The following ECE1 variants were observed in gnomAD, a reference collection of about 807,000 sequenced individuals.
The protein encoded by ECE1 is endothelin converting enzyme 1, also known as endothelin-converting enzyme 1.
Under a neutral mutation model 98.6 loss-of-function variants are expected in ECE1, and 35 were observed. The observed-to-expected ratio is 0.35, with a 90% CI of 0.27 to 0.47. The LOEUF (loss-of-function observed/expected upper bound fraction) is 0.47. Among genes scored for constraint, ECE1 ranks in the 20% least tolerant of loss-of-function variants. ECE1 has a pLI of 1.00. For missense variants in ECE1, 814 were observed against 1,025.3 expected, an observed-to-expected ratio of 0.79 and a Z score of 2.81; for synonymous variants, 394 against 407.1, an observed-to-expected ratio of 0.97 and a Z score of 0.39.
intron 8 of ECE1, among the ~76,000 whole-genome samples, chr1:21,249,418 A>G (rs1379867460): frequency 6.6e-6 from 1 of 152,026 alleles, no homozygotes; most frequent in Non-Finnish European, 1.5e-5. Context: ...GTTCAAGGAC[A>G]GGAGCAGTGA....
At chr1:21,229,813 G>A (rs193280615) in intron 14 of ECE1, among the ~76,000 whole-genome samples, 6 of 152,184 alleles carry the variant, frequency 3.9e-5, no homozygotes, top group South Asian at 2.1e-4. Flanking sequence ...ACAAAATCAC[G>A]CCTGGGTAAA....
At chr1:21,261,446 A>T (rs2098226688) in intron 4 of ECE1, among the ~76,000 whole-genome samples, 1 of 152,074 alleles carries the variant, frequency 6.6e-6, no homozygotes, top group Non-Finnish European at 1.5e-5. Flanking sequence ...AAGAGAAAAC[A>T]TCCCTGTCCC....
intron 1 of ECE1, among the ~76,000 whole-genome samples, chr1:21,296,398 C>T (rs1638355146): frequency 6.6e-6 from 1 of 151,900 alleles, no homozygotes; most frequent in African/African-American, 2.4e-5. Context: ...CCTGTGGCCC[C>T]ACTACTTAGG....
Position 21,333,274 on chromosome 1 carries a change from G to A in ECE1, c.3+12102C>T, listed in dbSNP as rs200938363. On this transcript the variant is annotated intron_variant, in intron 1 of 18. Transcript: ENST00000415912. ...CCCGGGACCTGCACTTAGTGCCTCCGCCTCCCCCACCCCTATTTGGGCTGA... is the reference window on the plus strand; with the variant it reads ...CCCGGGACCTGCACTTAGTGCCTCCACCTCCCCCACCCCTATTTGGGCTGA... Among the ~76,000 whole-genome samples the A allele has an allele frequency of 1.5e-4, 21 of 138,048 alleles. No individual in the cohort carries two copies. In the East Asian group the frequency reaches 2.2e-3, roughly 15 times the overall value. The allele number at this position is 138,048 out of a possible 152,430, so 90.6% of individuals were successfully genotyped here.
chr1:21,267,370 C>G (rs574945241), intron 4 of ECE1: 1 of 152,358 alleles, frequency 6.6e-6, no homozygotes, highest in African/African-American at 2.4e-5. Flanking sequence ...GCCTCACCAT[C>G]GTGGTGGAAG....
intron 1 of ECE1, among the ~76,000 whole-genome samples, chr1:21,342,191 G>A (rs1186061624): frequency 1.3e-5 from 2 of 152,170 alleles, no homozygotes; most frequent in Non-Finnish European, 2.9e-5. Flanking sequence ...CTCAGCCCCA[G>A]CTTGGAAAGT....
intron 4 of ECE1, among the ~76,000 whole-genome samples, chr1:21,267,921 T>C (rs373522285): frequency 1.4e-4 from 22 of 152,210 alleles, no homozygotes; most frequent in East Asian, 1.2e-3. Context: ...TTTAACGCTA[T>C]TGGAATATTG....
At chr1:21,344,698 G>C (rs983132373) in intron 1 of ECE1, among the ~76,000 whole-genome samples, 1 of 152,070 alleles carries the variant, frequency 6.6e-6, no homozygotes. Flanking sequence ...GTCAGCACTC[G>C]GCCTCAGCAA....
intron 7 of ECE1, among the ~76,000 whole-genome samples, chr1:21,256,363 C>A (rs537860517): frequency 6.6e-6 from 1 of 152,292 alleles, no homozygotes; most frequent in Non-Finnish European, 1.5e-5. Context: ...TGAGACCAAC[C>A]TGGCCAACAT....
intron 8 of ECE1, among the ~76,000 whole-genome samples, chr1:21,250,409 A>ATGTCG (rs1283990046): frequency 1.3e-5 from 2 of 152,220 alleles, no homozygotes; most frequent in Non-Finnish European, 2.9e-5. Context: ...ATGCCTGTAC[A>ATGTCG]TGTCGATCAC....
chr1:21,313,249 G>A (rs757137754), intron 1 of ECE1, among the ~76,000 whole-genome samples: 15 of 152,292 alleles, frequency 9.8e-5, no homozygotes, highest in South Asian at 2.1e-4. Context: ...CTGAGCTGGC[G>A]TTGCCTCGGT....
At chr1:21,337,212 T>C (rs1639319939) in intron 1 of ECE1, among the ~76,000 whole-genome samples, 1 of 152,170 alleles carries the variant, frequency 6.6e-6, no homozygotes, top group Non-Finnish European at 1.5e-5. Context: ...CACGGACATT[T>C]ACACGTACAT....
chr1:21,269,417 A>T (rs2098237717), intron 4 of ECE1, among the ~76,000 whole-genome samples: 1 of 152,184 alleles, frequency 6.6e-6, no homozygotes. Context: ...TTCTCTAATA[A>T]ATAAGAAATA....
intron 1 of ECE1, among the ~76,000 whole-genome samples, chr1:21,331,010 T>C (rs1228977226): frequency 6.6e-6 from 1 of 152,106 alleles, no homozygotes; most frequent in Non-Finnish European, 1.5e-5. Flanking sequence ...GGGGTGGTGG[T>C]TCACGCCTGT....
rs28368017 is a variant in ECE1 at position 21,235,986 on chromosome 1, C to T, written c.1489-59G>A. The stretch of plus-strand genomic sequence containing the variant: ...GCAACATCGACCAGGCCAGCCTGAG[C>T]AACTTGGGTGCTGGGCTCATAGTCT... On this transcript the variant is annotated intron_variant, in intron 12 of 18. Transcript: ENST00000374893. The surrounding 1 kb of genome is among the most constrained non-coding windows in gnomAD (Gnocchi z 4.2). 637 of 1,523,550 alleles carry T rather than the reference C, an allele frequency of 4.2e-4. 1 individual carries two copies. The highest frequency in any genetic ancestry group is 3.2e-3 in the Middle Eastern group (19 of 5,892). The allele number at this position is 1,523,550 out of a possible 1,614,324, so 94.4% of individuals were successfully genotyped here.
At chr1:21,275,831 C>G (rs1017755668) in intron 3 of ECE1, among the ~76,000 whole-genome samples, 1 of 152,066 alleles carries the variant, frequency 6.6e-6, no homozygotes, top group Non-Finnish European at 1.5e-5. Context: ...CTACGGAAAC[C>G]TTCATCGACC....
At chr1:21,285,291 A>G (rs917375549) in intron 2 of ECE1, among the ~76,000 whole-genome samples, 2 of 152,208 alleles carry the variant, frequency 1.3e-5, no homozygotes, top group Non-Finnish European at 2.9e-5. Flanking sequence ...AGCTCCCCAC[A>G]GCATGGGAGA....
Position 21,219,996 on chromosome 1 carries a change from C to A in ECE1, c.2272G>T (p.Gly758Cys). 2 of 1,614,200 alleles carry A rather than the reference C, an allele frequency of 1.2e-6. No homozygotes were observed. Among genetic ancestry groups the A allele is most frequent in the Non-Finnish European group, 1.7e-6 (2 of 1,180,038 alleles). ...EFSEHFRCPP[G>C]SPMNPPHKCE... ...TTGTGAGGCGGGTTCATGGGTGAGC[C>A]AGGTGGGCAGCGGAAGTGTTCTGAG... The change falls in exon 19 of 19, where the codon GGC (glycine) becomes TGC (cysteine). Residue 758 changes from glycine to cysteine, a missense_variant. By Grantham distance (159) the Gly-to-Cys change is radical (BLOSUM62 -3). This residue lies in a region of ECE1 where 452 missense variants were observed against 567.3 expected (regional missense o/e 0.80). Transcript: ENST00000374893. This position sits in a 1 kb window ranked among gnomAD's most constrained non-coding sequence, Gnocchi z 4.5.
intron 16 of ECE1, among the ~76,000 whole-genome samples, chr1:21,226,944 G>A (rs1171972830): frequency 8.6e-5 from 13 of 151,980 alleles, no homozygotes; most frequent in Admixed American, 1.3e-4. Flanking sequence ...GGCTGATCTC[G>A]AACTCCTGAC....
Sources: gnomAD v4.1 joint callset for allele counts (sites outside exome capture counted in the v4.1 genomes callset) on GRCh38, gnomAD v4.1.1 for gene constraint, gnomAD v4.1.1 regional missense constraint, Gnocchi (gnomAD v3.1) non-coding constraint, MANE v1.5 for transcripts, NCBI Gene and HGNC (gene_info 2026-07-23, HGNC 2026-07-21) for gene names.